Variants in C10orf143 observed in about 807,000 individuals in gnomAD.
C10orf143 encodes uncharacterized protein C10orf143.
intron 3 of C10orf143, among the ~76,000 whole-genome samples, chr10:130,048,840 G>A (rs1481107026): frequency 6.6e-6 from 1 of 151,996 alleles, no homozygotes; most frequent in Non-Finnish European, 1.5e-5. Context: ...GCAGCTAGGA[G>A]TACAGACATG....
chr10:130,106,190 G>C, intron 1 of C10orf143: 2 of 967,354 alleles, frequency 2.1e-6, no homozygotes, highest in Non-Finnish European at 3.3e-6. Flanking sequence ...ATGTGCAGCT[G>C]TTGCTGCATT....
At chr10:130,057,056 AT>A (rs11435950) in intron 3 of C10orf143, among the ~76,000 whole-genome samples, 47,084 of 133,302 alleles carry the variant, frequency 0.35, 7,917 homozygotes, top group Non-Finnish European at 0.44. Flanking sequence ...AGGCCCAGCT[AT>A]TTTTTTTTTT....
At chr10:130,097,625 G>A (rs778432467) in intron 1 of C10orf143, among the ~76,000 whole-genome samples, 1 of 152,076 alleles carries the variant, frequency 6.6e-6, no homozygotes, top group African/African-American at 2.4e-5. Flanking sequence ...CACAATGATC[G>A]GTACCTATGT....
At chr10:130,054,560 G>C (rs1385761766) in intron 3 of C10orf143, among the ~76,000 whole-genome samples, 1 of 152,202 alleles carries the variant, frequency 6.6e-6, no homozygotes. Context: ...CTGGATCATA[G>C]GGTAGTGCTA....
At chr10:130,052,074 CACCTA>C in intron 3 of C10orf143, among the ~76,000 whole-genome samples, 1 of 14,064 alleles carries the variant, frequency 7.1e-5, no homozygotes, top group Non-Finnish European at 1.5e-4. Context: ...CTCCCGCCCC[CACCTA>C]GTTAAGAGTC....
chr10:130,074,813 C>G (rs1441637634), intron 3 of C10orf143, among the ~76,000 whole-genome samples: 1 of 152,110 alleles, frequency 6.6e-6, no homozygotes. Flanking sequence ...AATAATCATA[C>G]TTTGGCTCCT....
At chr10:130,048,012 T>C (rs1860696506) in intron 3 of C10orf143, among the ~76,000 whole-genome samples, 1 of 152,220 alleles carries the variant, frequency 6.6e-6, no homozygotes, top group Admixed American at 6.5e-5. Flanking sequence ...CCCTCAATAC[T>C]ATTTGCAATT....
chr10:130,099,472 A>G (rs1264531580), intron 1 of C10orf143, among the ~76,000 whole-genome samples: 7 of 152,158 alleles, frequency 4.6e-5, no homozygotes. Context: ...CCAATGGGGT[A>G]AAACAAAGAT....
At chr10:130,046,885 C>T (rs897990226) in intron 3 of C10orf143, among the ~76,000 whole-genome samples, 1 of 152,232 alleles carries the variant, frequency 6.6e-6, no homozygotes, top group Non-Finnish European at 1.5e-5. Context: ...CTGGGGGTGA[C>T]AGAGTGGGGA....
At chr10:130,108,454 G>A (rs1284920103) in intron 1 of C10orf143, 2 of 792,504 alleles carry the variant, frequency 2.5e-6, no homozygotes, top group Non-Finnish European at 4.6e-6. Flanking sequence ...AAGATACCTG[G>A]CAATATTTTT....
chr10:130,104,897 G>A (rs1397785366), intron 1 of C10orf143: 1 of 152,070 alleles, frequency 6.6e-6, no homozygotes, highest in Non-Finnish European at 1.5e-5. Context: ...GCCAATTTAG[G>A]ACTTCATTGT....
At chr10:130,100,925 A>G (rs770693924) in intron 1 of C10orf143, among the ~76,000 whole-genome samples, 13 of 152,156 alleles carry the variant, frequency 8.5e-5, no homozygotes, top group Admixed American at 8.5e-4. Flanking sequence ...GTTGAAAGCT[A>G]TAATAGCTGA....
intron 4 of C10orf143, among the ~76,000 whole-genome samples, chr10:130,035,672 T>C (rs1323761538): frequency 6.6e-6 from 1 of 152,368 alleles, no homozygotes; most frequent in South Asian, 2.1e-4. Flanking sequence ...GATTCCCATT[T>C]TGCAGACGTG....
intron 1 of C10orf143, among the ~76,000 whole-genome samples, chr10:130,085,317 G>A (rs112412925): frequency 3.9e-5 from 6 of 152,268 alleles, no homozygotes; most frequent in African/African-American, 1.4e-4. Context: ...AAGTGACAAG[G>A]TTAACAACAG....
At chr10:130,080,047 CTT>C (rs2134768847) in intron 1 of C10orf143, 146 bp from the exon 2 acceptor site, 1 of 397,450 alleles carries the variant, frequency 2.5e-6, no homozygotes, top group South Asian at 1.4e-4. Flanking sequence ...TGACTTTAAA[CTT>C]TATCTTTTCA....
intron 3 of C10orf143, among the ~76,000 whole-genome samples, chr10:130,049,973 G>T (rs909387513): frequency 6.6e-6 from 1 of 152,258 alleles, no homozygotes; most frequent in African/African-American, 2.4e-5. Flanking sequence ...CATCGGTGAT[G>T]AAATTGAGTG....
At chr10:130,047,697 G>A (rs1318927230) in intron 3 of C10orf143, among the ~76,000 whole-genome samples, 1 of 152,156 alleles carries the variant, frequency 6.6e-6, no homozygotes, top group Non-Finnish European at 1.5e-5. Flanking sequence ...GTGACACCCA[G>A]GCCACGTGAC....
chr10:130,070,975 G>A (rs1248660367), intron 3 of C10orf143, among the ~76,000 whole-genome samples: 1 of 152,182 alleles, frequency 6.6e-6, no homozygotes, highest in Non-Finnish European at 1.5e-5. Context: ...GAGTGCAGTG[G>A]TGGGATCTTG....
At chr10:130,066,182 ATTT>A (rs764477540) in intron 3 of C10orf143, 5,401 of 112,750 alleles carry the variant, frequency 0.048, 290 homozygotes, top group African/African-American at 0.14. Flanking sequence ...TGAGACCTGG[ATTT>A]TTTTTTTTTT....
Sources: allele counts gnomAD v4.1 joint callset (sites outside exome capture counted in the v4.1 genomes callset), GRCh38; gene constraint gnomAD v4.1.1; transcripts MANE v1.5; gene names NCBI Gene and HGNC (gene_info 2026-07-23, HGNC 2026-07-21).